Variants in CNTNAP5 observed in about 807,000 individuals in gnomAD.
CNTNAP5 encodes the protein contactin-associated protein-like 5.
CNTNAP5 carries 72 observed loss-of-function variants against 150.2 expected under a neutral mutation model. The observed-to-expected ratio is 0.48, with a 90% CI of 0.40 to 0.58. The LOEUF is 0.58. Among genes scored for constraint, CNTNAP5 ranks in the 20% least tolerant of loss-of-function variants. CNTNAP5 has a pLI of 0.00. For missense variants in CNTNAP5, 1,636 were observed against 1,626.2 expected (o/e 1.01, Z -0.10); for synonymous variants, 672 against 619.8 (o/e 1.08, Z -1.25).
intron 14 of CNTNAP5, among the ~76,000 whole-genome samples, chr2:124,747,788 C>CTTTTTTTTTT (rs34959025): frequency 2.4e-5 from 1 of 42,470 alleles, no homozygotes; most frequent in Non-Finnish European, 4.5e-5. Context: ...CCTAACTCTT[C>CTTTTTTTTTT]TTTTTTTTTT....
At chr2:124,551,877 A>AT (rs1242143387) in intron 10 of CNTNAP5, among the ~76,000 whole-genome samples, 2 of 152,058 alleles carry the variant, frequency 1.3e-5, no homozygotes, top group African/African-American at 4.8e-5. Context: ...CACTGAGTAT[A>AT]TTTTTTAATG....
chr2:124,763,522 C>T (rs1681000927), intron 14 of CNTNAP5, 150 bp from the exon 15 acceptor site: 1 of 653,384 alleles, frequency 1.5e-6, no homozygotes, highest in South Asian at 2.0e-5. Context: ...TTCACATACA[C>T]TTAGGCGATG....
chr2:124,138,262 G>C (rs1053824929), intron 1 of CNTNAP5, among the ~76,000 whole-genome samples: 1 of 152,102 alleles, frequency 6.6e-6, no homozygotes, highest in African/African-American at 2.4e-5. Context: ...CCCCTATACA[G>C]CAACAACAAG....
intron 1 of CNTNAP5, among the ~76,000 whole-genome samples, chr2:124,046,444 A>C (rs944834082): frequency 6.6e-6 from 1 of 151,554 alleles, no homozygotes; most frequent in African/African-American, 2.4e-5. Flanking sequence ...AAAAAAAAAA[A>C]AAAAACAGAG....
chr2:124,095,275 A>G (rs910185569), intron 1 of CNTNAP5, among the ~76,000 whole-genome samples: 12 of 152,218 alleles, frequency 7.9e-5, no homozygotes, highest in African/African-American at 2.9e-4. Context: ...GTTCTCAGTC[A>G]TAAGCGGGAG....
chr2:124,378,456 A>G (rs763283185), intron 3 of CNTNAP5, among the ~76,000 whole-genome samples: 1 of 152,140 alleles, frequency 6.6e-6, no homozygotes, highest in African/African-American at 2.4e-5. Context: ...ATAAAAGCAT[A>G]ATTACATATT....
intron 1 of CNTNAP5, among the ~76,000 whole-genome samples, chr2:124,077,921 A>G (rs1573737460): frequency 6.6e-6 from 1 of 152,198 alleles, no homozygotes; most frequent in Non-Finnish European, 1.5e-5. Flanking sequence ...ATGAGGGCAT[A>G]TGGACATGGT....
intron 13 of CNTNAP5, among the ~76,000 whole-genome samples, chr2:124,736,371 T>C (rs527509785): frequency 7.9e-4 from 120 of 152,366 alleles, no homozygotes; most frequent in African/African-American, 2.6e-3. Context: ...TATTTCATTC[T>C]AAATTGAATT....
Position 124,772,966 on chromosome 2 carries a change from A to G in CNTNAP5, c.2701A>G (p.Thr901Ala), listed in dbSNP as rs567379551. 6.2e-7 allele frequency: 1 copy of G among 1,613,624 alleles called. No homozygotes were observed. Among genetic ancestry groups the G allele is most frequent in the African/African-American group, 1.3e-5 (1 of 75,006 alleles). ...CAACCTTCCAAGGAGCACCAGGGAG[A>G]CGTCGGAGGAGGGCCATTTTCGACT... Reference protein sequence around the residue: ...VDNLPRSTRETSEEGHFRLQL... With the variant: ...VDNLPRSTREASEEGHFRLQL... Residue 901 changes from threonine (T) to alanine (A), a missense_variant, in exon 17 of 24, where the codon ACG (threonine) becomes GCG (alanine). By Grantham distance (58) the Thr-to-Ala change is moderately conservative. Coordinates refer to ENST00000682447, the MANE Select transcript of CNTNAP5 (RefSeq NM_001367498.1).
chr2:124,688,638 A>C (rs2105076668), intron 13 of CNTNAP5, among the ~76,000 whole-genome samples: 1 of 152,182 alleles, frequency 6.6e-6, no homozygotes, highest in South Asian at 2.1e-4. Context: ...GGCTGAGTTC[A>C]CTCGGGGACA....
intron 14 of CNTNAP5, among the ~76,000 whole-genome samples, chr2:124,761,419 C>T (rs1680953726): frequency 6.6e-6 from 1 of 152,010 alleles, no homozygotes; most frequent in South Asian, 2.1e-4. Flanking sequence ...GTGTGGGTTC[C>T]CATTATAATT....
intron 13 of CNTNAP5, among the ~76,000 whole-genome samples, chr2:124,742,166 A>G (rs1680509814): frequency 6.6e-6 from 1 of 152,208 alleles, no homozygotes; most frequent in South Asian, 2.1e-4. Flanking sequence ...AAGGAGTTTT[A>G]TAGGCAGACC....
chr2:124,127,230 TG>T (rs1256568914), intron 1 of CNTNAP5, among the ~76,000 whole-genome samples: 1 of 152,122 alleles, frequency 6.6e-6, no homozygotes, highest in East Asian at 1.9e-4. Flanking sequence ...ACAAAATCAA[TG>T]TGCAAAAATC....
rs370992728 is a variant in CNTNAP5 at position 124,593,130 on chromosome 2, A to AT, written c.1757-16669dup. Among the ~76,000 whole-genome samples the AT allele has an allele frequency of 2.1e-4, 21 of 100,306 alleles. No individual in the cohort carries two copies. In the East Asian group the frequency reaches 2.2e-3, roughly 10 times the overall value. The allele number at this position is 100,306 out of a possible 152,430, so 65.8% of individuals were successfully genotyped here. A position where few individuals can be genotyped will look rare whatever the true frequency, so the allele number is the denominator to read the frequency against. On this transcript the variant is annotated intron_variant, in intron 11 of 23. Transcript: ENST00000682447. The stretch of plus-strand genomic sequence containing the variant: ...ATATTTATTTATTTATTTATTTATT[A>AT]TTATTATTATTTTTTTAATTATACT...
At chr2:124,353,156 A>G in intron 3 of CNTNAP5, among the ~76,000 whole-genome samples, 1 of 152,090 alleles carries the variant, frequency 6.6e-6, no homozygotes, top group East Asian at 1.9e-4. Context: ...TTTCAATGTA[A>G]GCGAATTCTT....
chr2:124,169,096 T>G (rs1040456191), intron 1 of CNTNAP5, among the ~76,000 whole-genome samples: 4 of 152,106 alleles, frequency 2.6e-5, no homozygotes, highest in African/African-American at 4.8e-5. Context: ...TTCTTTTTTT[T>G]TTGTTCAATT....
chr2:124,890,885 A>G (rs576475732), intron 21 of CNTNAP5, among the ~76,000 whole-genome samples: 1 of 152,192 alleles, frequency 6.6e-6, no homozygotes, highest in Non-Finnish European at 1.5e-5. Flanking sequence ...CCTTCTACCG[A>G]CAGACATGTT....
intron 1 of CNTNAP5, among the ~76,000 whole-genome samples, chr2:124,122,747 G>C (rs1258447560): frequency 7.3e-6 from 1 of 137,658 alleles, no homozygotes; most frequent in East Asian, 2.4e-4. Context: ...CCAAACCACA[G>C]AGGTGGTAAA....
At chr2:124,634,998 T>C (rs1180298319) in intron 12 of CNTNAP5, among the ~76,000 whole-genome samples, 1 of 152,174 alleles carries the variant, frequency 6.6e-6, no homozygotes, top group Non-Finnish European at 1.5e-5. Context: ...GCTTCCACAT[T>C]TCCAGGCATC....
Sources: gnomAD v4.1 joint callset for allele counts (sites outside exome capture counted in the v4.1 genomes callset) on GRCh38, gnomAD v4.1.1 for gene constraint, MANE v1.5 for transcripts, NCBI Gene and HGNC (gene_info 2026-07-23, HGNC 2026-07-21) for gene names.